SGCZ: variants seen among roughly 807,000 people sequenced by gnomAD.
The protein encoded by SGCZ is zeta-sarcoglycan.
SGCZ carries 40 observed loss-of-function variants against 41.3 expected under a neutral mutation model. The ratio of observed to expected loss-of-function variants is 0.97; its 90% CI spans 0.75 to 1.26. The LOEUF is 1.26. Ranked by LOEUF, SGCZ falls within the 50% of genes most tolerant of loss-of-function variation. The pLI, the probability that SGCZ is intolerant of heterozygous loss-of-function variation, is 0.00. For missense variants in SGCZ, 552 were observed against 369.8 expected (o/e 1.49, Z -4.04); for synonymous variants, 206 against 137.5 (o/e 1.50, Z -3.49).
chr8:14,605,890 T>C (rs937259518), intron 1 of SGCZ, among the ~76,000 whole-genome samples: 4 of 152,196 alleles, frequency 2.6e-5, no homozygotes, highest in Admixed American at 2.0e-4. Context: ...AATGAAAAGA[T>C]GAAGTATCTG....
intron 1 of SGCZ, among the ~76,000 whole-genome samples, chr8:15,209,464 C>A (rs925090912): frequency 1.2e-4 from 17 of 140,186 alleles, no homozygotes; most frequent in Non-Finnish European, 1.5e-5. Flanking sequence ...AGTTACGTGT[C>A]AGCATAATAG....
chr8:14,106,659 T>C (rs901250058), intron 6 of SGCZ, among the ~76,000 whole-genome samples: 9 of 152,206 alleles, frequency 5.9e-5, no homozygotes, highest in African/African-American at 2.2e-4. Flanking sequence ...TCATCCAATG[T>C]GAAGGGCTAA....
rs2898398 is a variant in SGCZ at position 14,702,982 on chromosome 8, C to G, written c.40-148056G>C. Among the ~76,000 whole-genome samples the G allele has an allele frequency of 1.1e-4, 16 of 141,002 alleles. 1 individual carries two copies. The highest frequency in any genetic ancestry group is 2.0e-4 in the Non-Finnish European group (13 of 64,430). The allele number at this position is 141,002 out of a possible 152,430, so 92.5% of individuals were successfully genotyped here. A position where few individuals can be genotyped will look rare whatever the true frequency, so the allele number is the denominator to read the frequency against. Reference sequence around the variant, plus strand: ...ATAGATAGATAGATAGACAGACAGACAGACAGATAGATTTATTTGAACAAT... The same window carrying G: ...ATAGATAGATAGATAGACAGACAGAGAGACAGATAGATTTATTTGAACAAT... On this transcript the variant is annotated intron_variant, in intron 1 of 7. Coordinates refer to ENST00000382080, the MANE Select transcript of SGCZ (RefSeq NM_139167.4).
chr8:14,618,622 A>T (rs539212445), intron 1 of SGCZ, among the ~76,000 whole-genome samples: 2 of 152,306 alleles, frequency 1.3e-5, no homozygotes, highest in South Asian at 4.1e-4. Context: ...TATTCAGTAA[A>T]AAGTAGAGTC....
At chr8:14,494,391 G>C (rs540374031) in intron 2 of SGCZ, among the ~76,000 whole-genome samples, 1 of 152,194 alleles carries the variant, frequency 6.6e-6, no homozygotes, top group Non-Finnish European at 1.5e-5. Context: ...CAGAATGTCA[G>C]AATCCCATGA....
chr8:14,502,020 G>A lies in SGCZ; in HGVS notation c.234+52712C>T, dbSNP rs1231478787. ...TTTGGGTACAACCTTTTTTAAAAAA[G>A]TAATTAGAAATTAAGAATGTCAATT... On this transcript the variant is annotated intron_variant, in intron 2 of 7. Transcript: ENST00000382080. 8.6e-5 allele frequency among the ~76,000 whole-genome samples: 13 copies of A among 151,972 alleles called. 1 individual carries two copies. Among genetic ancestry groups the A allele is most frequent in the Admixed American group, 8.5e-4 (13 of 15,220 alleles).
At chr8:14,876,877 G>C (rs575510336) in intron 1 of SGCZ, among the ~76,000 whole-genome samples, 1 of 152,124 alleles carries the variant, frequency 6.6e-6, no homozygotes, top group Non-Finnish European at 1.5e-5. Flanking sequence ...AGGTCCCCCC[G>C]CCCTGCAATG....
intron 4 of SGCZ, among the ~76,000 whole-genome samples, chr8:14,168,350 T>C (rs1585196418): frequency 6.6e-6 from 1 of 152,158 alleles, no homozygotes; most frequent in East Asian, 1.9e-4. Flanking sequence ...TACACTGTAA[T>C]ATGGTTTGGT....
intron 3 of SGCZ, among the ~76,000 whole-genome samples, chr8:14,285,096 A>G (rs890536): frequency 0.048 from 7,260 of 152,188 alleles, 578 homozygotes; most frequent in African/African-American, 0.16. Context: ...TAATAAGGCT[A>G]AGACTCAGCC....
At chr8:14,796,259 C>T (rs1801125548) in intron 1 of SGCZ, among the ~76,000 whole-genome samples, 1 of 152,106 alleles carries the variant, frequency 6.6e-6, no homozygotes, top group Non-Finnish European at 1.5e-5. Context: ...CACAATCTTC[C>T]AGAATGGCTG....
At chr8:14,404,135 A>G (rs1291184835) in intron 2 of SGCZ, among the ~76,000 whole-genome samples, 1 of 152,184 alleles carries the variant, frequency 6.6e-6, no homozygotes, top group Admixed American at 6.6e-5. Flanking sequence ...CATTATCTTC[A>G]GCTCCATTTT....
intron 1 of SGCZ, among the ~76,000 whole-genome samples, chr8:14,621,198 A>G (rs1806272862): frequency 6.6e-6 from 1 of 150,484 alleles, no homozygotes; most frequent in Non-Finnish European, 1.5e-5. Flanking sequence ...ACAAAAAACC[A>G]AAACCGCATG....
chr8:15,109,285 A>G (rs1464603806), intron 1 of SGCZ, among the ~76,000 whole-genome samples: 1 of 152,176 alleles, frequency 6.6e-6, no homozygotes, highest in Non-Finnish European at 1.5e-5. Flanking sequence ...TCTGCTAATG[A>G]ATCATGACAT....
chr8:15,075,133 CTTT>C, intron 1 of SGCZ, among the ~76,000 whole-genome samples: 1 of 109,218 alleles, frequency 9.2e-6, no homozygotes, highest in African/African-American at 3.9e-5. Context: ...AAATAAACAT[CTTT>C]CTTTATATAT....
intron 7 of SGCZ, 63 bp downstream of exon 7, chr8:14,102,313 T>C: frequency 7.5e-7 from 1 of 1,331,618 alleles, no homozygotes; most frequent in South Asian, 2.5e-5. Flanking sequence ...AAATAGGACA[T>C]CTAAATACTT....
chr8:15,166,965 G>C (rs1444710948), intron 1 of SGCZ, among the ~76,000 whole-genome samples: 1 of 152,176 alleles, frequency 6.6e-6, no homozygotes, highest in Non-Finnish European at 1.5e-5. Context: ...AACTCAGGAA[G>C]CTGAAGCGAA....
At chr8:14,363,249 T>A (rs2117139073) in intron 2 of SGCZ, among the ~76,000 whole-genome samples, 1 of 152,316 alleles carries the variant, frequency 6.6e-6, no homozygotes, top group East Asian at 1.9e-4. Flanking sequence ...CCGTGCTATT[T>A]TTCTGTCATT....
chr8:15,120,735 T>C (rs1305050464), intron 1 of SGCZ, among the ~76,000 whole-genome samples: 1 of 152,212 alleles, frequency 6.6e-6, no homozygotes, highest in East Asian at 1.9e-4. Context: ...TTATCTCTTT[T>C]ATTTCTACTA....
intron 2 of SGCZ, among the ~76,000 whole-genome samples, chr8:14,346,285 T>G (rs977737854): frequency 2.0e-5 from 3 of 152,022 alleles, no homozygotes; most frequent in Non-Finnish European, 4.4e-5. Context: ...ATCTATTAAT[T>G]AAAAAATTCT....
Sources: allele counts gnomAD v4.1 joint callset (sites outside exome capture counted in the v4.1 genomes callset), GRCh38; gene constraint gnomAD v4.1.1; transcripts MANE v1.5; gene names NCBI Gene and HGNC (gene_info 2026-07-23, HGNC 2026-07-21).